Variants in DACH2 observed in about 807,000 individuals in gnomAD.
The protein encoded by DACH2 is dachshund family transcription factor 2, also known as dachshund homolog 2.
DACH2 carries 17 observed loss-of-function variants against 35.8 expected under a neutral mutation model. The observed-to-expected ratio is 0.48, with a 90% confidence interval of 0.33 to 0.71. DACH2 has a LOEUF of 0.71. Among genes scored for constraint, DACH2 ranks in the 30% least tolerant of loss-of-function variants. The probability of loss-of-function intolerance (pLI) is 0.02; values close to 1 mark genes in which losing one functional copy is unlikely to be tolerated. For missense variants in DACH2, 469 were observed against 472.7 expected (o/e 0.99, Z 0.07); for synonymous variants, 195 against 177.3 (o/e 1.10, Z -0.79).
At chrX:86,794,841 G>A (rs1012336096) in intron 7 of DACH2, among the ~76,000 whole-genome samples, 1 of 111,576 alleles carries the variant, frequency 9.0e-6, no homozygotes, top group Admixed American at 9.5e-5. Flanking sequence ...TATGCCAACT[G>A]TCAGAGACAG....
intron 1 of DACH2, among the ~76,000 whole-genome samples, chrX:86,239,095 T>G (rs2033114107): frequency 8.9e-6 from 1 of 111,951 alleles, no homozygotes; most frequent in Admixed American, 9.5e-5. Flanking sequence ...ATCCCAAATT[T>G]TATTCATTAT....
At chrX:86,783,859 G>A (rs2042111868) in intron 7 of DACH2, among the ~76,000 whole-genome samples, 1 of 111,215 alleles carries the variant, frequency 9.0e-6, no homozygotes, top group Non-Finnish European at 1.9e-5. Context: ...GGAGGGTCAG[G>A]GGAGGGAGTT....
intron 7 of DACH2, among the ~76,000 whole-genome samples, chrX:86,807,222 T>G (rs983165000): frequency 3.6e-5 from 4 of 112,018 alleles, no homozygotes; most frequent in Admixed American, 1.9e-4. Context: ...GCTTAGGTTG[T>G]CAAATATATG....
chrX:86,206,069 A>G (rs2032303427), intron 1 of DACH2, among the ~76,000 whole-genome samples: 1 of 111,698 alleles, frequency 9.0e-6, no homozygotes, highest in Non-Finnish European at 1.9e-5. Context: ...TTGGAGGTCT[A>G]CCACTAATAA....
intron 2 of DACH2, among the ~76,000 whole-genome samples, chrX:86,459,985 A>T (rs762048467): frequency 8.1e-5 from 9 of 110,756 alleles, no homozygotes; most frequent in African/African-American, 2.9e-4. Flanking sequence ...TAATTTGAAC[A>T]TCTAGTTTGC....
chrX:86,398,764 A>G (rs1049400420), intron 2 of DACH2, among the ~76,000 whole-genome samples: 2 of 111,948 alleles, frequency 1.8e-5, no homozygotes, highest in East Asian at 5.6e-4. Context: ...ACAGTTTGTT[A>G]CAATTTCTGT....
intron 2 of DACH2, among the ~76,000 whole-genome samples, chrX:86,398,375 G>A (rs1161152153): frequency 1.8e-5 from 2 of 112,049 alleles, no homozygotes; most frequent in African/African-American, 6.5e-5. Flanking sequence ...GGGTTTTTTT[G>A]TGTCTCTATT....
In DACH2 at chrX:86,400,233, A is replaced by C. The variant is rs183569284; in HGVS notation, c.527+23371A>C. Among the ~76,000 whole-genome samples the C allele has an allele frequency of 4.4e-3, 485 of 111,331 alleles. 2 individuals carry two copies. The highest frequency in any genetic ancestry group is 0.015 in the African/African-American group (472 of 30,551). ...TCATGCCGTGGTTTTCAGCTCTATC[A>C]GGTCCTTTAAGGACTTCTCTACATT... On this transcript the variant is annotated intron_variant, in intron 2 of 11. Coordinates refer to ENST00000373125, the MANE Select transcript of DACH2 (RefSeq NM_053281.3).
intron 3 of DACH2, among the ~76,000 whole-genome samples, chrX:86,603,767 G>C (rs2039822168): frequency 9.0e-6 from 1 of 111,144 alleles, no homozygotes; most frequent in Non-Finnish European, 1.9e-5. Context: ...TGAAATAATT[G>C]ATTTGAAGTC....
intron 3 of DACH2, among the ~76,000 whole-genome samples, chrX:86,561,954 A>G (rs2148323823): frequency 9.5e-6 from 1 of 105,281 alleles, no homozygotes; most frequent in Non-Finnish European, 2.0e-5. Context: ...TGCCAAATCA[A>G]TATATGGAAT....
At chrX:86,291,531 T>C (rs1269818200) in intron 1 of DACH2, among the ~76,000 whole-genome samples, 1 of 107,613 alleles carries the variant, frequency 9.3e-6, no homozygotes, top group African/African-American at 3.5e-5. Context: ...TTCCAGTTTT[T>C]GCCCATTCAG....
intron 2 of DACH2, among the ~76,000 whole-genome samples, chrX:86,464,092 C>T (rs1256457163): frequency 9.0e-6 from 1 of 111,188 alleles, no homozygotes; most frequent in African/African-American, 3.3e-5. Flanking sequence ...TTAGTTCAAC[C>T]ATTGTAGAAG....
chrX:86,511,727 C>T (rs1022016202), intron 2 of DACH2, among the ~76,000 whole-genome samples: 4 of 111,536 alleles, frequency 3.6e-5, no homozygotes, highest in African/African-American at 9.8e-5. Flanking sequence ...TAAGTGATAT[C>T]GTTACTGCCT....
chrX:86,308,914 C>G (rs1428650246), intron 1 of DACH2, among the ~76,000 whole-genome samples: 1 of 111,063 alleles, frequency 9.0e-6, no homozygotes, highest in East Asian at 2.8e-4. Flanking sequence ...CAATGAGTCA[C>G]TGGACTCATC....
chrX:86,545,700 G>A (rs984647864), intron 3 of DACH2, among the ~76,000 whole-genome samples: 7 of 111,769 alleles, frequency 6.3e-5, no homozygotes, highest in Non-Finnish European at 1.1e-4. Flanking sequence ...CTGGTAAGTA[G>A]TTTCATAATG....
chrX:86,226,179 G>T (rs10126118), intron 1 of DACH2, among the ~76,000 whole-genome samples: 8,513 of 111,363 alleles, frequency 0.076, 799 homozygotes, highest in African/African-American at 0.26. Context: ...TCCTGAGAAC[G>T]CTATAAAAAT....
At chrX:86,485,266 C>T (rs2038001225) in intron 2 of DACH2, among the ~76,000 whole-genome samples, 1 of 111,481 alleles carries the variant, frequency 9.0e-6, no homozygotes. Context: ...TAATTCTTTA[C>T]AAAATATATT....
rs1182898501 is a variant in DACH2 at position 86,383,268 on chromosome X, T to G, written c.527+6406T>G. On this transcript the variant is annotated intron_variant, in intron 2 of 11. Transcript: ENST00000373125. ...GACAAGATTATTGGGAAATTAGTAC[T>G]CTCATTAAAAAATATATTGCAGTTG... Among the ~76,000 whole-genome samples, 4 of 109,853 alleles carry G rather than the reference T, an allele frequency of 3.6e-5. No individual in the cohort carries two copies. In the East Asian group the frequency reaches 1.1e-3, roughly 32 times the overall value.
chrX:86,194,983 T>G (rs2031939006), intron 1 of DACH2, among the ~76,000 whole-genome samples: 1 of 112,710 alleles, frequency 8.9e-6, no homozygotes, highest in South Asian at 3.6e-4. Flanking sequence ...ACATTATACC[T>G]TCTGTGTTGC....
Sources: gnomAD v4.1 joint callset for allele counts (sites outside exome capture counted in the v4.1 genomes callset) on GRCh38, gnomAD v4.1.1 for gene constraint, MANE v1.5 for transcripts, NCBI Gene and HGNC (gene_info 2026-07-23, HGNC 2026-07-21) for gene names.